The following HNRNPUL1 variants were observed in gnomAD, a reference collection of about 807,000 sequenced individuals.
HNRNPUL1 encodes heterogeneous nuclear ribonucleoprotein U-like protein 1.
A neutral mutation model predicts 108.5 loss-of-function variants in HNRNPUL1; 14 were observed. The ratio of observed to expected loss-of-function variants is 0.13; its 90% CI spans 0.09 to 0.20. HNRNPUL1 has a LOEUF of 0.20. Ranked by LOEUF, HNRNPUL1 falls within the 10% of genes least tolerant of loss-of-function variation. The probability of loss-of-function intolerance (pLI) is 1.00; values close to 1 mark genes in which losing one functional copy is unlikely to be tolerated. For missense variants in HNRNPUL1, 804 were observed against 1,168.3 expected (o/e 0.69, Z 4.55); for synonymous variants, 422 against 445.2 (o/e 0.95, Z 0.66).
At chr19:41,283,405 C>T (rs1490899729) in intron 7 of HNRNPUL1, among the ~76,000 whole-genome samples, 2 of 151,856 alleles carry the variant, frequency 1.3e-5, no homozygotes, top group South Asian at 2.1e-4. Context: ...CTCAGCCACC[C>T]GAATAGCTGG....
At chr19:41,271,467 G>A (rs2035233926) in intron 2 of HNRNPUL1, among the ~76,000 whole-genome samples, 1 of 152,160 alleles carries the variant, frequency 6.6e-6, no homozygotes, top group African/African-American at 2.4e-5. Flanking sequence ...GATCCAAAAT[G>A]GTCTGGGGTT....
Position 41,296,621 on chromosome 19 carries a change from TGAGA to T in HNRNPUL1, c.1518+1936_1518+1939del, listed in dbSNP as rs534431138. 1.8e-3 allele frequency among the ~76,000 whole-genome samples: 273 copies of T among 152,268 alleles called. 1 individual carries two copies. The highest frequency in any genetic ancestry group is 3.2e-3 in the Non-Finnish European group (216 of 68,012). Reference sequence around the variant, plus strand: ...AGTGGGTTCCAGAAAACTCTGGGTATGAGAAAGAGGGAGGGGGAAGTTGTGTGTT... The same window carrying T: ...AGTGGGTTCCAGAAAACTCTGGGTATAAGAGGGAGGGGGAAGTTGTGTGTT... On this transcript the variant is annotated intron_variant, in intron 10 of 14. Coordinates refer to ENST00000392006, the MANE Select transcript of HNRNPUL1 (RefSeq NM_007040.6).
chr19:41,304,047 A>G lies in HNRNPUL1; in HGVS notation c.2048A>G (p.Asn683Ser), dbSNP rs370266365. The G allele has an allele frequency of 8.7e-5, 141 of 1,613,870 alleles. No homozygotes were observed. The highest frequency in any genetic ancestry group is 1.2e-4 in the Non-Finnish European group (140 of 1,179,880). ...GNNNRDNNNSNNRGSYNRAPQ... is the reference protein window; with the variant it reads ...GNNNRDNNNSSNRGSYNRAPQ... ...AACAACCGGGATAACAACAACTCCA[A>G]CAACAGAGGCAGCTACAACCGGGCT... The change falls in exon 13 of 15, where the codon AAC becomes AGC. Residue 683 changes from asparagine (N) to serine (S), a missense_variant. Around this residue, in one of 4 missense-constraint regions of HNRNPUL1, gnomAD observed 294 missense variants for 388.3 expected, o/e 0.76. Coordinates refer to ENST00000392006, the MANE Select transcript of HNRNPUL1 (RefSeq NM_007040.6).
intron 13 of HNRNPUL1, among the ~76,000 whole-genome samples, chr19:41,304,835 C>T (rs183657178): frequency 1.3e-5 from 2 of 152,314 alleles, no homozygotes; most frequent in East Asian, 1.9e-4. Flanking sequence ...AAGCACTTTC[C>T]TCATGCCGGG....
intron 13 of HNRNPUL1, among the ~76,000 whole-genome samples, chr19:41,305,039 C>T (rs1272678647): frequency 1.3e-5 from 2 of 152,166 alleles, no homozygotes; most frequent in Non-Finnish European, 2.9e-5. Flanking sequence ...GAAGTCCCTT[C>T]CAAGGTTTGT....
At chr19:41,288,302 A>G (rs1302528726) in intron 7 of HNRNPUL1, among the ~76,000 whole-genome samples, 1 of 150,696 alleles carries the variant, frequency 6.6e-6, no homozygotes, top group Non-Finnish European at 1.5e-5. Flanking sequence ...CTGGAGTGCA[A>G]TGGCATGATC....
intron 1 of HNRNPUL1, among the ~76,000 whole-genome samples, chr19:41,267,878 C>G (rs147151714): frequency 4.8e-4 from 73 of 152,364 alleles, no homozygotes; most frequent in African/African-American, 1.7e-3. Flanking sequence ...ATTCTCATCA[C>G]TGAGTCATTA....
At chr19:41,274,263 T>A (rs754407897) in intron 4 of HNRNPUL1, among the ~76,000 whole-genome samples, 3 of 152,194 alleles carry the variant, frequency 2.0e-5, no homozygotes, top group Non-Finnish European at 4.4e-5. Flanking sequence ...GGCAAGTCAT[T>A]CTACTTCTCT....
intron 7 of HNRNPUL1, among the ~76,000 whole-genome samples, chr19:41,291,375 C>T (rs1051196951): frequency 6.6e-6 from 1 of 152,198 alleles, no homozygotes; most frequent in Admixed American, 6.5e-5. Context: ...ACTCAGGGAA[C>T]ATGTTGAACA....
chr19:41,286,043 C>T (rs1473227782), intron 7 of HNRNPUL1, among the ~76,000 whole-genome samples: 1 of 151,588 alleles, frequency 6.6e-6, no homozygotes, highest in African/African-American at 2.4e-5. Context: ...CCTGGTGGCA[C>T]ACGCCTGTGG....
intron 8 of HNRNPUL1, among the ~76,000 whole-genome samples, chr19:41,293,057 G>GCAC (rs2036683759): frequency 1.3e-5 from 2 of 152,090 alleles, no homozygotes; most frequent in Admixed American, 6.5e-5. Context: ...CTTGAAGGAG[G>GCAC]TTGAGTAAGT....
At chr19:41,305,623 T>G in intron 13 of HNRNPUL1, 53 bp from the exon 14 acceptor site, 1 of 1,610,366 alleles carries the variant, frequency 6.2e-7, no homozygotes, top group South Asian at 1.1e-5. Context: ...ATTTCACATC[T>G]GCAGATTTCC....
chr19:41,288,489 C>T (rs894107322), intron 7 of HNRNPUL1, among the ~76,000 whole-genome samples: 4 of 152,066 alleles, frequency 2.6e-5, no homozygotes, highest in Admixed American at 6.6e-5. Context: ...GGTGATCTGC[C>T]CTCCTTGGCC....
At position 41,283,913 on chromosome 19, in the gene HNRNPUL1, C is replaced by G. The variant is rs991090312; in HGVS notation, c.999+2638C>G. On this transcript the variant is annotated intron_variant, in intron 7 of 14. Coordinates refer to ENST00000392006, the MANE Select transcript of HNRNPUL1 (RefSeq NM_007040.6). ...CAGCCAACTGCATAAAATTAACCAG[C>G]GCATACTGTAATAATTTTGAAGCCA... Among the ~76,000 whole-genome samples the G allele has an allele frequency of 6.6e-5, 10 of 152,286 alleles. No individual in the cohort carries two copies. In the East Asian group the frequency reaches 1.9e-3, roughly 29 times the overall value.
chr19:41,270,622 G>A (rs1032081650), intron 2 of HNRNPUL1, among the ~76,000 whole-genome samples: 2 of 134,110 alleles, frequency 1.5e-5, no homozygotes, highest in African/African-American at 5.9e-5. Context: ...TTGAGATGGA[G>A]TCTCGCTCTG....
chr19:41,270,268 C>T (rs1445128394), intron 2 of HNRNPUL1, among the ~76,000 whole-genome samples: 1 of 151,838 alleles, frequency 6.6e-6, no homozygotes, highest in Non-Finnish European at 1.5e-5. Flanking sequence ...CAGGCGTGAG[C>T]CACTGAACCC....
chr19:41,274,342 T>G (rs1258437043), intron 4 of HNRNPUL1, among the ~76,000 whole-genome samples: 1 of 152,140 alleles, frequency 6.6e-6, no homozygotes, highest in Non-Finnish European at 1.5e-5. Flanking sequence ...GACTCCTCAG[T>G]GGATATAGGA....
At chr19:41,289,969 C>T (rs2036487844) in intron 7 of HNRNPUL1, among the ~76,000 whole-genome samples, 1 of 151,908 alleles carries the variant, frequency 6.6e-6, no homozygotes, top group Admixed American at 6.6e-5. Context: ...CCTCGGCCTC[C>T]CAAAATGCTG....
Position 41,303,784 on chromosome 19 carries a change from A to AT in HNRNPUL1, c.1973-187dup, listed in dbSNP as rs370003892. Among the ~76,000 whole-genome samples the AT allele has an allele frequency of 3.1e-4, 47 of 152,336 alleles. 1 individual carries two copies. Among genetic ancestry groups the AT allele is most frequent in the African/African-American group, 1.1e-3 (46 of 41,582 alleles). Reference sequence around the variant, plus strand: ...GTCCAGTGAATGAGACAAACCTGTCATAAGGGCTGGGACAGGGGAGTATGC... The same window carrying AT: ...GTCCAGTGAATGAGACAAACCTGTCATTAAGGGCTGGGACAGGGGAGTATGC... On this transcript the variant is annotated intron_variant, in intron 12 of 14. Coordinates refer to ENST00000392006, the MANE Select transcript of HNRNPUL1 (RefSeq NM_007040.6).
Sources: allele counts gnomAD v4.1 joint callset (sites outside exome capture counted in the v4.1 genomes callset), GRCh38; gene constraint gnomAD v4.1.1; regional missense constraint gnomAD v4.1.1; transcripts MANE v1.5; gene names NCBI Gene and HGNC (gene_info 2026-07-23, HGNC 2026-07-21).